TJP3: variants seen among roughly 807,000 people sequenced by gnomAD.
TJP3 encodes tight junction protein ZO-3.
TJP3 carries 85 observed loss-of-function variants against 104.2 expected under a neutral mutation model. That is an observed-to-expected ratio of 0.82 (90% CI 0.68 to 0.98). TJP3 has a LOEUF of 0.98. Among genes scored for constraint, TJP3 ranks in the 50% least tolerant of loss-of-function variants. The probability of loss-of-function intolerance (pLI) is 0.00; values close to 1 mark genes in which losing one functional copy is unlikely to be tolerated. For synonymous variants in TJP3, 550 were observed against 550.6 expected (o/e 1.00, Z 0.02); for missense variants, 1,367 against 1,322.8 (o/e 1.03, Z -0.52).
chr19:3,746,098 T>C lies in TJP3; in HGVS notation c.2010+17T>C, dbSNP rs1487241777. ...GCAGAAAAAGTAAGCCGGGTCCTGCTACGGGTCCCATTTCATGGATGGGGG... is the reference window on the plus strand; with the variant it reads ...GCAGAAAAAGTAAGCCGGGTCCTGCCACGGGTCCCATTTCATGGATGGGGG... On this transcript the variant is annotated intron_variant, in intron 16 of 20. Coordinates refer to ENST00000541714, the MANE Select transcript of TJP3 (RefSeq NM_001267560.2). The surrounding 1 kb of genome is among the most constrained non-coding windows in gnomAD (Gnocchi z 4.1). 1.9e-6 allele frequency: 3 copies of C among 1,595,836 alleles called. No homozygotes were observed. Among genetic ancestry groups the C allele is most frequent in the East Asian group, 2.3e-5 (1 of 44,384 alleles).
At chr19:3,722,071 C>T (rs553431108) in intron 1 of TJP3, among the ~76,000 whole-genome samples, 1 of 145,320 alleles carries the variant, frequency 6.9e-6, no homozygotes, top group South Asian at 2.1e-4. Flanking sequence ...CTGGAGGTTG[C>T]ACTTCGAGAT....
chr19:3,747,682 C>T, intron 18 of TJP3, 112 bp from the exon 19 acceptor site: 1 of 1,326,992 alleles, frequency 7.5e-7, no homozygotes, highest in Non-Finnish European at 1.0e-6. Context: ...AGGCTCCAGG[C>T]TCCAGGCTCC....
At chr19:3,718,418 C>A (rs1223077479) in intron 1 of TJP3, among the ~76,000 whole-genome samples, 2 of 149,060 alleles carry the variant, frequency 1.3e-5, no homozygotes, top group Non-Finnish European at 3.0e-5. Context: ...AGTCAGAAAG[C>A]CTGTAGGACA....
At position 3,746,693 on chromosome 19, in the gene TJP3, C is replaced by G; in HGVS notation, c.2219C>G (p.Thr740Arg). The G allele has an allele frequency of 1.2e-6, 2 of 1,610,480 alleles. No homozygotes were observed. Among genetic ancestry groups the G allele is most frequent in the Non-Finnish European group, 1.7e-6 (2 of 1,178,456 alleles). The change falls in exon 17 of 21, where the codon ACA (threonine) becomes AGA (arginine). Residue 740 changes from threonine to arginine, a missense_variant and splice_region_variant. Physicochemically the swap from Thr to Arg is moderately conservative, Grantham distance 71. Coordinates refer to ENST00000541714, the MANE Select transcript of TJP3 (RefSeq NM_001267560.2). This position sits in a 1 kb window ranked among gnomAD's most constrained non-coding sequence, Gnocchi z 4.1. ...CGAAAACACAGCAGCCACCTCTTCA[C>G]AGGTTGGGGGGTGGGTGTCCCAGGG... is the stretch of plus-strand genomic sequence containing the variant. ...KLRKHSSHLF[T>R]ATIPLNGTSD... is the part of the protein sequence containing the mutation.
chr19:3,738,912 T>G lies in TJP3; in HGVS notation c.1409T>G (p.Val470Gly), dbSNP rs750650602. ...QRKQDIFWKM[V>G]QSRVGDSFYI... The stretch of plus-strand genomic sequence containing the variant: ...CTCTCCCCAGTTTTCTGGAAAATGG[T>G]GCAGTCCCGCGTGGGTGACTCCTTC... Residue 470 changes from valine (V) to glycine (G), a missense_variant, in exon 13 of 21, where the codon GTG becomes GGG. By Grantham distance (109) the Val-to-Gly change is moderately radical (BLOSUM62 -3). Coordinates refer to ENST00000541714, the MANE Select transcript of TJP3 (RefSeq NM_001267560.2). 7 of 1,598,688 alleles carry G rather than the reference T, an allele frequency of 4.4e-6. No homozygotes were observed. The highest frequency in any genetic ancestry group is 6.0e-6 in the Non-Finnish European group (7 of 1,169,964).
intron 1 of TJP3, among the ~76,000 whole-genome samples, chr19:3,727,483 CA>C (rs36057859): frequency 0.29 from 25,432 of 86,548 alleles, 2,249 homozygotes; most frequent in South Asian, 0.47. Flanking sequence ...AACTCTGTCT[CA>C]AAAAAAAAAA....
intron 5 of TJP3, 121 bp from the exon 6 acceptor site, chr19:3,731,814 T>C: frequency 1.4e-6 from 1 of 698,328 alleles, no homozygotes; most frequent in Admixed American, 2.8e-5. Context: ...ACTGTTCTCC[T>C]TATGATGCCA....
In TJP3 at chr19:3,734,419, C is replaced by T; in HGVS notation, c.970C>T (p.Gln324Ter). ...TGCTCAGCGGAGCCCCGAGGCCAGC[C>T]AGACCGACTCTCCCGTGTAAGTATC... ...RHAQRSPEAS[Q>*]TDSPVESPRL... is the part of the protein sequence containing the mutation. Residue 324 changes from glutamine (Q) to a stop codon, truncating the protein, a stop_gained, in exon 8 of 21, where the codon CAG becomes TAG. Coordinates refer to ENST00000541714, the MANE Select transcript of TJP3 (RefSeq NM_001267560.2). LOFTEE classifies it high-confidence loss of function. 1 of 1,609,318 alleles carries T rather than the reference C, an allele frequency of 6.2e-7. No individual in the cohort carries two copies. Among genetic ancestry groups the T allele is most frequent in the Non-Finnish European group, 8.5e-7 (1 of 1,178,620 alleles).
chr19:3,732,428 A>G (rs1460427960), intron 6 of TJP3, among the ~76,000 whole-genome samples: 1 of 151,932 alleles, frequency 6.6e-6, no homozygotes, highest in Non-Finnish European at 1.5e-5. Context: ...CTTCCCCTGA[A>G]AGTCTGTTTC....
chr19:3,728,787 T>C lies in TJP3; in HGVS notation c.158+74T>C, dbSNP rs934886252. ...GAGAAACCAGGCCAGGCACAGTGAC[T>C]CACACCCGTCATCCCAGCACTTTGC... On this transcript the variant is annotated intron_variant, in intron 3 of 20. Transcript: ENST00000541714. 6 of 1,486,138 alleles carry C rather than the reference T, an allele frequency of 4.0e-6. No individual in the cohort carries two copies. The Admixed American group carries it at 5.7e-5, about 14-fold the overall frequency. 92.1% of individuals were successfully genotyped at this position (1,486,138 alleles called of 1,614,324 possible).
chr19:3,718,385 G>C (rs530040498), intron 1 of TJP3, among the ~76,000 whole-genome samples: 14 of 148,436 alleles, frequency 9.4e-5, no homozygotes, highest in Non-Finnish European at 1.9e-4. Flanking sequence ...TCCTGGCCAA[G>C]CCTCTTATTT....
Position 3,730,437 on chromosome 19 carries a change from A to G in TJP3, c.344A>G (p.Asp115Gly). ...SSPGRQDSDE[D>G]DGPQRVEEVD... ...CCAGGGCGCCAGGACTCGGATGAAG[A>G]CGATGGGCCCCAGCGGGTGGAGGAG... Residue 115 changes from aspartate (D) to glycine (G), a missense_variant, in exon 5 of 21, where the codon GAC becomes GGC. Physicochemically the swap from Asp to Gly is moderately conservative, Grantham distance 94. Transcript: ENST00000541714. The surrounding 1 kb of genome is among the most constrained non-coding windows in gnomAD (Gnocchi z 7.3). 1 of 1,591,462 alleles carries G rather than the reference A, an allele frequency of 6.3e-7. No individual in the cohort carries two copies. The highest frequency in any genetic ancestry group is 8.5e-7 in the Non-Finnish European group (1 of 1,169,836).
chr19:3,746,958 G>A lies in TJP3; in HGVS notation c.2322+82G>A, dbSNP rs977827198. On this transcript the variant is annotated intron_variant, in intron 18 of 20. Transcript: ENST00000541714. The surrounding 1 kb of genome is among the most constrained non-coding windows in gnomAD (Gnocchi z 4.1). ...CCAGCTGGGGTTTGGGGCCTCTGTC[G>A]GGAGTTAGGGCTTGGTCAGGGATCA... 5.2e-6 allele frequency: 7 copies of A among 1,344,412 alleles called. No individual in the cohort carries two copies. Among genetic ancestry groups the A allele is most frequent in the South Asian group, 2.5e-5 (2 of 79,278 alleles). The allele number at this position is 1,344,412 out of a possible 1,614,324, so 83.3% of individuals were successfully genotyped here.
chr19:3,712,452 A>G (rs568318219), intron 1 of TJP3, among the ~76,000 whole-genome samples: 2 of 152,180 alleles, frequency 1.3e-5, no homozygotes, highest in Non-Finnish European at 2.9e-5. Flanking sequence ...AGTTAGAAGC[A>G]TGGAGAGGCA....
chr19:3,734,284 G>C, intron 7 of TJP3, 43 bp from the exon 8 acceptor site: 1 of 1,600,538 alleles, frequency 6.2e-7, no homozygotes, highest in Non-Finnish European at 8.5e-7. Context: ...GTCCAGTCCA[G>C]AAGGCGTGAC....
Position 3,736,253 on chromosome 19 carries a change from G to A in TJP3, c.1216G>A (p.Val406Met), listed in dbSNP as rs761966575. Residue 406 changes from valine (V) to methionine (M), a missense_variant, in exon 11 of 21, where the codon GTG becomes ATG. Coordinates refer to ENST00000541714, the MANE Select transcript of TJP3 (RefSeq NM_001267560.2). ...LAGGNDVGIFVSGVQAGSPAD... is the reference protein window; with the variant it reads ...LAGGNDVGIFMSGVQAGSPAD... ...AGGGGGCAATGACGTGGGCATCTTC[G>A]TGTCCGGGGTGCAGGCGGGCAGCCC... 12 of 1,563,050 alleles carry A rather than the reference G, an allele frequency of 7.7e-6. No individual in the cohort carries two copies. Among genetic ancestry groups the A allele is most frequent in the Middle Eastern group, 1.7e-4 (1 of 5,864 alleles).
intron 15 of TJP3, among the ~76,000 whole-genome samples, chr19:3,744,321 G>C (rs2036858422): frequency 1.3e-5 from 2 of 152,166 alleles, no homozygotes; most frequent in East Asian, 3.9e-4. Context: ...TTCTGAGACA[G>C]CAGTGAACAC....
Position 3,728,466 on chromosome 19 carries a change from G to C in TJP3, c.34G>C (p.Ala12Pro). 1 of 1,612,652 alleles carries C rather than the reference G, an allele frequency of 6.2e-7. No homozygotes were observed. Among genetic ancestry groups the C allele is most frequent in the African/African-American group, 1.3e-5 (1 of 74,970 alleles). ...EELTIWEQHT[A>P]TLSKDPRRGF... ...GCTGACCATCTGGGAACAGCACACG[G>C]CCACACTGTCCAAGGTGAGGCCTCC... Residue 12 changes from alanine (A) to proline (P), a missense_variant, in exon 2 of 21, where the codon GCC becomes CCC. Ala to Pro is a conservative substitution (Grantham distance 27). Transcript: ENST00000541714.
At chr19:3,727,067 A>G (rs1396895456) in intron 1 of TJP3, among the ~76,000 whole-genome samples, 1 of 151,908 alleles carries the variant, frequency 6.6e-6, no homozygotes, top group Non-Finnish European at 1.5e-5. Flanking sequence ...AGCCTGAGTG[A>G]CAGAGACCCT....
Sources: gnomAD v4.1 joint callset for allele counts (sites outside exome capture counted in the v4.1 genomes callset) on GRCh38, gnomAD v4.1.1 for gene constraint, Gnocchi (gnomAD v3.1) non-coding constraint, MANE v1.5 for transcripts, NCBI Gene and HGNC (gene_info 2026-07-23, HGNC 2026-07-21) for gene names.